Variants in PTPRF observed in about 807,000 individuals in gnomAD.
PTPRF encodes the protein protein tyrosine phosphatase receptor type F, also known as receptor-type tyrosine-protein phosphatase F.
A neutral mutation model predicts 201.8 loss-of-function variants in PTPRF; 59 were observed. That is an observed-to-expected ratio of 0.29 (90% CI 0.24 to 0.36). The LOEUF (loss-of-function observed/expected upper bound fraction) is 0.36, where lower values mean the gene tolerates loss of function less well. Ranked by LOEUF, PTPRF falls within the 10% of genes least tolerant of loss-of-function variation. PTPRF has a pLI of 1.00. For synonymous variants in PTPRF, 1,088 were observed against 1,089.7 expected (o/e 1.00, Z 0.03); for missense variants, 2,132 against 2,690.5 (o/e 0.79, Z 4.59).
In PTPRF at chr1:43,621,914, AC is replaced by A. The variant is rs1371029246; in HGVS notation, c.5656-19del. 1 of 1,613,792 alleles carries A rather than the reference AC, an allele frequency of 6.2e-7. No homozygotes were observed. The highest frequency in any genetic ancestry group is 1.7e-5 in the Admixed American group (1 of 60,024). On this transcript the variant is annotated intron_variant, in intron 33 of 33. Coordinates refer to ENST00000359947, the MANE Select transcript of PTPRF (RefSeq NM_002840.5). ...GTGTCCACTGGCGCGACCCACACTG[AC>A]CAGCCCCCTATCCTGGCAGGACCAG... is the stretch of plus-strand genomic sequence containing the variant.
At chr1:43,592,685 C>G in intron 11 of PTPRF, 84 bp downstream of exon 11, 2 of 1,411,162 alleles carry the variant, frequency 1.4e-6, no homozygotes, top group East Asian at 2.7e-5. Context: ...CCCCCTCGAC[C>G]AGGCAGGTGG....
chr1:43,613,747 G>A, intron 23 of PTPRF, 32 bp downstream of exon 23: 1 of 1,582,460 alleles, frequency 6.3e-7, no homozygotes. Context: ...CCATGTGCCT[G>A]GCCCAGGCCT....
At chr1:43,595,512 G>T (rs546578559) in intron 11 of PTPRF, among the ~76,000 whole-genome samples, 1 of 152,180 alleles carries the variant, frequency 6.6e-6, no homozygotes, top group East Asian at 1.9e-4. Context: ...GAGCCACCGC[G>T]CCCGGCCTGG....
intron 1 of PTPRF, among the ~76,000 whole-genome samples, chr1:43,533,572 A>G (rs1643823196): frequency 6.6e-6 from 1 of 152,110 alleles, no homozygotes; most frequent in South Asian, 2.1e-4. Context: ...TTCAGGCCTC[A>G]AAGAGGCCCC....
rs759279877 is a variant in PTPRF at position 43,619,589 on chromosome 1, G to T, written c.4932+16G>T. The T allele has an allele frequency of 1.1e-5, 18 of 1,610,408 alleles. No individual in the cohort carries two copies. The highest frequency in any genetic ancestry group is 1.5e-5 in the Non-Finnish European group (18 of 1,177,568). On this transcript the variant is annotated intron_variant, in intron 28 of 33. Transcript: ENST00000359947. ...CGAGTTCAAGGTGGGGCTCGGGTGG[G>T]CCTGCTTGGCTCCAGGGCCTAGACT...
chr1:43,563,272 G>A (rs1028397754), intron 5 of PTPRF, among the ~76,000 whole-genome samples: 1 of 152,064 alleles, frequency 6.6e-6, no homozygotes, highest in East Asian at 1.9e-4. Flanking sequence ...CCTGGCTCTG[G>A]GGCTGGGTAG....
At chr1:43,573,977 C>CTTTTTTTTTTTTTTTTTTTTTTTTT (rs77543816) in intron 6 of PTPRF, among the ~76,000 whole-genome samples, 1 of 63,884 alleles carries the variant, frequency 1.6e-5, no homozygotes, top group Non-Finnish European at 2.7e-5. Flanking sequence ...TGTGTGGGTT[C>CTTTTTTTTTTTTTTTTTTTTTTTTT]TTTTTTTTTT....
chr1:43,621,831 C>G (rs897910199), intron 33 of PTPRF, 104 bp from the exon 34 acceptor site: 7 of 1,202,636 alleles, frequency 5.8e-6, no homozygotes, highest in Non-Finnish European at 8.5e-6. Context: ...AGCACCTGCT[C>G]TTGGCCAGCA....
chr1:43,523,020 A>G (rs144966089), upstream of PTPRF, among the ~76,000 whole-genome samples: 5 of 152,296 alleles, frequency 3.3e-5, no homozygotes, highest in Non-Finnish European at 7.4e-5. Context: ...ATAAGAGTTA[A>G]TGGTGGCTTG....
chr1:43,566,277 A>G (rs1203099100), intron 5 of PTPRF, among the ~76,000 whole-genome samples: 1 of 152,224 alleles, frequency 6.6e-6, no homozygotes, highest in African/African-American at 2.4e-5. Flanking sequence ...CCAGATGTCT[A>G]GATCTCTCTC....
rs1240273037 is a variant in PTPRF, at chr1:43,615,607, T to C, written c.4072-1838T>C. 7.8e-4 allele frequency among the ~76,000 whole-genome samples: 106 copies of C among 135,366 alleles called. 1 individual carries two copies. The highest frequency in any genetic ancestry group is 3.7e-3 in the Middle Eastern group (1 of 268). 88.8% of individuals were successfully genotyped at this position (135,366 alleles called of 152,430 possible). On this transcript the variant is annotated intron_variant, in intron 23 of 33. Coordinates refer to ENST00000359947, the MANE Select transcript of PTPRF (RefSeq NM_002840.5). ...CTTTTTTGGAAGTCTCGCTCCGTCA[T>C]CCAGGCTGGAGTGCAGTGGCGTGAT... is the stretch of plus-strand genomic sequence containing the variant.
rs1423911578 is a variant in PTPRF, at chr1:43,598,760, G to C, written c.2160G>C (p.Leu720=). The C allele has an allele frequency of 1.2e-6, 2 of 1,614,082 alleles. No homozygotes were observed. Among genetic ancestry groups the C allele is most frequent in the African/African-American group, 1.3e-5 (1 of 75,060 alleles). Residue 720 remains leucine (L), a synonymous_variant, in exon 13 of 34, where the codon CTG becomes CTC. Transcript: ENST00000359947. ...GPPRKVEVEP[L]NSTAVHVYWK... ...CGCGGAAGGTGGAGGTGGAGCCACT[G>C]AACTCCACTGCTGTGCATGTCTACT...
At position 43,597,741 on chromosome 1, in the gene PTPRF, T is replaced by TTCCCC; in HGVS notation, c.1814-7_1814-6insTCCCC. Reference sequence around the variant, plus strand: ...CTGCTTGCTTCCCCCCCATTTGTCTTCCCCAGCCCCCTCCGCCCCTCCCCA... The same window carrying TTCCCC: ...CTGCTTGCTTCCCCCCCATTTGTCTTTCCCCCCCCAGCCCCCTCCGCCCCTCCCCA... On this transcript the variant is annotated splice_polypyrimidine_tract_variant and splice_region_variant and intron_variant, in intron 11 of 33. Coordinates refer to ENST00000359947, the MANE Select transcript of PTPRF (RefSeq NM_002840.5). The TTCCCC allele has an allele frequency of 3.3e-6, 5 of 1,517,944 alleles. No individual in the cohort carries two copies. The highest frequency in any genetic ancestry group is 4.5e-6 in the Non-Finnish European group (5 of 1,113,572). 94.0% of individuals were successfully genotyped at this position (1,517,944 alleles called of 1,614,324 possible).
intron 13 of PTPRF, among the ~76,000 whole-genome samples, chr1:43,601,823 C>G (rs1653822612): frequency 6.6e-6 from 1 of 152,240 alleles, no homozygotes; most frequent in African/African-American, 2.4e-5. Flanking sequence ...GGTCCTCTCC[C>G]TGCAGGCTGC....
Position 43,622,635 on chromosome 1 carries a change from A to G in PTPRF, c.*632A>G, listed in dbSNP as rs1174358210. ...ACGAGATCCTGTTTCAGCTAAATGC[A>G]GGGAAACTCAATGTTTTTTTAAGTT... is the stretch of plus-strand genomic sequence containing the variant. On this transcript the variant is annotated 3_prime_UTR_variant, in exon 34 of 34. Transcript: ENST00000359947. 8 of 152,634 alleles carry G rather than the reference A, an allele frequency of 5.2e-5. No homozygotes were observed. Among genetic ancestry groups the G allele is most frequent in the Non-Finnish European group, 8.8e-5 (6 of 68,050 alleles). The allele number at this position is 152,634 out of a possible 1,614,324, so 9.5% of individuals were successfully genotyped here.
intron 3 of PTPRF, among the ~76,000 whole-genome samples, chr1:43,549,852 A>T (rs537325971): frequency 1.3e-5 from 2 of 148,342 alleles, no homozygotes; most frequent in Admixed American, 1.4e-4. Context: ...ACAAAGTGAG[A>T]CCCCCCTCTC....
chr1:43,610,892 C>A (rs146570259), intron 22 of PTPRF, among the ~76,000 whole-genome samples: 1 of 152,216 alleles, frequency 6.6e-6, no homozygotes, highest in Non-Finnish European at 1.5e-5. Flanking sequence ...TAAAATTCTA[C>A]TGGAACAGAC....
At chr1:43,552,067 C>T (rs879910211) in intron 3 of PTPRF, among the ~76,000 whole-genome samples, 2 of 152,048 alleles carry the variant, frequency 1.3e-5, no homozygotes, top group Non-Finnish European at 2.9e-5. Flanking sequence ...CTGCTGGCTC[C>T]CATCAGTATT....
chr1:43,594,689 G>A (rs1004575942), intron 11 of PTPRF, among the ~76,000 whole-genome samples: 38 of 152,066 alleles, frequency 2.5e-4, no homozygotes, highest in African/African-American at 8.5e-4. Context: ...GAGGGAAGTG[G>A]AGGTGAATCT....
Sources: gnomAD v4.1 joint callset for allele counts (sites outside exome capture counted in the v4.1 genomes callset) on GRCh38, gnomAD v4.1.1 for gene constraint, MANE v1.5 for transcripts, NCBI Gene and HGNC (gene_info 2026-07-23, HGNC 2026-07-21) for gene names.